Variants in ESRP1 observed in about 807,000 individuals in gnomAD.
ESRP1 encodes the protein epithelial splicing regulatory protein 1.
Under a neutral mutation model 81.7 loss-of-function variants are expected in ESRP1, and 33 were observed. The observed-to-expected ratio is 0.40, with a 90% confidence interval of 0.31 to 0.54. ESRP1 has a LOEUF of 0.54. Ranked by LOEUF, ESRP1 falls within the 20% of genes least tolerant of loss-of-function variation. ESRP1 has a pLI of 0.41. For missense variants in ESRP1, 672 were observed against 833.1 expected (o/e 0.81, Z 2.38); for synonymous variants, 320 against 303.3 (o/e 1.06, Z -0.57).
chr8:94,682,410 A>G (rs1808924689), intron 13 of ESRP1, among the ~76,000 whole-genome samples: 1 of 152,260 alleles, frequency 6.6e-6, no homozygotes, highest in African/African-American at 2.4e-5. Flanking sequence ...TCTATCACCC[A>G]GGGCAGAGTG....
intron 11 of ESRP1, among the ~76,000 whole-genome samples, chr8:94,673,449 G>T (rs2130646479): frequency 6.6e-6 from 1 of 152,240 alleles, no homozygotes; most frequent in Middle Eastern, 3.4e-3. Flanking sequence ...AACTTGCATG[G>T]TAATAATTTC....
At chr8:94,685,038 C>T (rs971434931) in intron 13 of ESRP1, among the ~76,000 whole-genome samples, 4 of 150,680 alleles carry the variant, frequency 2.7e-5, no homozygotes, top group African/African-American at 9.8e-5. Flanking sequence ...AAAAAAAAGC[C>T]ATATATATCT....
At chr8:94,699,520 CCTCCGGCTA>C (rs1484492651) in intron 15 of ESRP1, among the ~76,000 whole-genome samples, 1 of 151,946 alleles carries the variant, frequency 6.6e-6, no homozygotes, top group East Asian at 1.9e-4. Flanking sequence ...GTGGCATTTA[CCTCCGGCTA>C]CTCCGGAGGC....
intron 14 of ESRP1, 65 bp downstream of exon 14, chr8:94,692,892 T>G (rs891748546): frequency 2.6e-6 from 4 of 1,519,092 alleles, no homozygotes; most frequent in African/African-American, 2.7e-5. Flanking sequence ...GCCTAAAGAA[T>G]GCAGCCAGGA....
chr8:94,672,820 G>A (rs72676924), intron 11 of ESRP1, among the ~76,000 whole-genome samples: 9 of 152,088 alleles, frequency 5.9e-5, no homozygotes, highest in African/African-American at 1.7e-4. Flanking sequence ...GGCGTAAGCC[G>A]CCGCACCTGG....
In ESRP1 at chr8:94,668,655, T is replaced by A. The variant is rs147104671; in HGVS notation, c.1233+405T>A. Among the ~76,000 whole-genome samples the A allele has an allele frequency of 7.4e-4, 112 of 152,326 alleles. 2 individuals are homozygous for A. The East Asian group carries it at 0.019, about 26-fold the overall frequency. The stretch of plus-strand genomic sequence containing the variant: ...AAATGCTTAAAAACCTGTCATCAAT[T>A]TGATTTCTGTAGCATTGGATATAGA... On this transcript the variant is annotated intron_variant, in intron 10 of 15. Coordinates refer to ENST00000433389, the MANE Select transcript of ESRP1 (RefSeq NM_017697.4).
At chr8:94,689,983 A>AT (rs1486885089) in intron 13 of ESRP1, among the ~76,000 whole-genome samples, 1 of 151,212 alleles carries the variant, frequency 6.6e-6, no homozygotes, top group Non-Finnish European at 1.5e-5. Flanking sequence ...TGCTCGGCTA[A>AT]TTTTTTTGTA....
At chr8:94,663,398 A>G (rs780396465) in intron 6 of ESRP1, among the ~76,000 whole-genome samples, 6 of 152,116 alleles carry the variant, frequency 3.9e-5, no homozygotes, top group Non-Finnish European at 8.8e-5. Flanking sequence ...GATGTGTACC[A>G]TCATGCCTGG....
In ESRP1 at chr8:94,644,555, C is replaced by A. The variant is rs149328876; in HGVS notation, c.375+1139C>A. Among the ~76,000 whole-genome samples, 942 of 152,196 alleles carry A rather than the reference C, an allele frequency of 6.2e-3. 10 individuals are homozygous for A. The highest frequency in any genetic ancestry group is 0.021 in the African/African-American group (870 of 41,520). ...TTAAATGCTAGACTAGTCGCTACAT[C>A]CTTACCAGAAATAGTAATATGTAAG... On this transcript the variant is annotated intron_variant, in intron 3 of 15. Coordinates refer to ENST00000433389, the MANE Select transcript of ESRP1 (RefSeq NM_017697.4).
chr8:94,668,133 C>T lies in ESRP1; in HGVS notation c.1116C>T (p.Asp372=), dbSNP rs748528710. 53 of 1,613,844 alleles carry T rather than the reference C, an allele frequency of 3.3e-5. No individual in the cohort carries two copies. Among genetic ancestry groups the T allele is most frequent in the Admixed American group, 2.0e-4 (12 of 59,988 alleles). Residue 372 remains aspartate, a synonymous_variant, in exon 10 of 16, where the codon GAC becomes GAT. Coordinates refer to ENST00000433389, the MANE Select transcript of ESRP1 (RefSeq NM_017697.4). ...VTYPDGRPTG[D]AFVLFACEEY... is the part of the protein sequence containing the mutation. The stretch of plus-strand genomic sequence containing the variant: ...ACCCAGATGGTAGGCCAACAGGGGA[C>T]GCTTTTGTCCTCTTTGCCTGTGAGG...
At chr8:94,644,577 T>C (rs1488722303) in intron 3 of ESRP1, among the ~76,000 whole-genome samples, 4 of 152,200 alleles carry the variant, frequency 2.6e-5, no homozygotes, top group Non-Finnish European at 5.9e-5. Context: ...TAGTAATATG[T>C]AAGGATTACT....
At chr8:94,654,084 G>A (rs552222034) in intron 4 of ESRP1, among the ~76,000 whole-genome samples, 26 of 152,120 alleles carry the variant, frequency 1.7e-4, no homozygotes, top group Admixed American at 7.9e-4. Context: ...TTTGGGAGGC[G>A]GAGGCAGGTG....
At chr8:94,659,947 G>T (rs1272532875) in intron 4 of ESRP1, among the ~76,000 whole-genome samples, 3 of 152,226 alleles carry the variant, frequency 2.0e-5, no homozygotes, top group African/African-American at 7.2e-5. Flanking sequence ...TATGAAGGCT[G>T]AGAGAAGTGA....
rs562708000 is a variant in ESRP1 at position 94,696,860 on chromosome 8, C to T, written c.1980C>T (p.Thr660=). 93 of 1,585,718 alleles carry T rather than the reference C, an allele frequency of 5.9e-5. No individual in the cohort carries two copies. The East Asian group carries it at 1.6e-3, about 28-fold the overall frequency. ...TTTAACTTGCATTTTAGTATGCAAC[C>T]GAGGATGGACTTATACACACAAATG... The part of the protein sequence containing the change: ...LNFFQGYQYA[T]EDGLIHTNDQ... Residue 660 remains threonine, a synonymous_variant, in exon 15 of 16, where the codon ACC becomes ACT. Transcript: ENST00000433389.
At chr8:94,658,242 G>A (rs1818537103) in intron 4 of ESRP1, among the ~76,000 whole-genome samples, 1 of 152,210 alleles carries the variant, frequency 6.6e-6, no homozygotes, top group Non-Finnish European at 1.5e-5. Flanking sequence ...CAACTGTTTG[G>A]TTTTGCTGTA....
chr8:94,690,512 T>C (rs560132731), intron 13 of ESRP1, among the ~76,000 whole-genome samples: 1 of 152,212 alleles, frequency 6.6e-6, no homozygotes, highest in Non-Finnish European at 1.5e-5. Context: ...TTCTTACGAT[T>C]CCTTGTATAC....
intron 4 of ESRP1, among the ~76,000 whole-genome samples, chr8:94,651,398 T>C (rs1421337441): frequency 1.3e-5 from 2 of 151,938 alleles, no homozygotes; most frequent in Non-Finnish European, 1.5e-5. Flanking sequence ...AGGCCAATGT[T>C]GTGTATTTCT....
chr8:94,686,377 C>G (rs1031397027), intron 13 of ESRP1, among the ~76,000 whole-genome samples: 2 of 152,184 alleles, frequency 1.3e-5, no homozygotes, highest in African/African-American at 2.4e-5. Context: ...GGCTGTGATC[C>G]TAAGTAATCA....
intron 6 of ESRP1, among the ~76,000 whole-genome samples, chr8:94,663,716 T>G (rs1818873357): frequency 6.6e-6 from 1 of 152,192 alleles, no homozygotes; most frequent in African/African-American, 2.4e-5. Flanking sequence ...AGAGAGACTT[T>G]GAGGCCGATT....
Sources: gnomAD v4.1 joint callset for allele counts (sites outside exome capture counted in the v4.1 genomes callset) on GRCh38, gnomAD v4.1.1 for gene constraint, MANE v1.5 for transcripts, NCBI Gene and HGNC (gene_info 2026-07-23, HGNC 2026-07-21) for gene names.